Variants in RICTOR observed in about 807,000 individuals in gnomAD.
The protein encoded by RICTOR is rapamycin-insensitive companion of mTOR.
RICTOR carries 49 observed loss-of-function variants against 214.9 expected under a neutral mutation model. The observed-to-expected ratio is 0.23, with a 90% confidence interval of 0.18 to 0.29. RICTOR has a LOEUF of 0.29. Ranked by LOEUF, RICTOR falls within the 10% of genes least tolerant of loss-of-function variation. The pLI, the probability that RICTOR is intolerant of heterozygous loss-of-function variation, is 1.00. For synonymous variants in RICTOR, 717 were observed against 711.3 expected (o/e 1.01, Z -0.13); for missense variants, 1,625 against 2,047.0 (o/e 0.79, Z 3.98).
chr5:38,966,688 G>A lies in RICTOR; in HGVS notation c.1252C>T (p.His418Tyr), dbSNP rs145165444. Residue 418 changes from histidine to tyrosine, a missense_variant, in exon 15 of 38, where the codon CAT (histidine) becomes TAT (tyrosine). Around this residue, in one of 5 missense-constraint regions of RICTOR, gnomAD observed 1,214 missense variants for 1,470.5 expected, o/e 0.83. Transcript: ENST00000357387. ...LVEVITNSDDHISVRATILLG... is the reference protein window; with the variant it reads ...LVEVITNSDDYISVRATILLG... ...AGGATGGTAGCTCTAACTGAGATAT[G>A]ATCATCACTGTTTGTTATCACTTCA... is the stretch of plus-strand genomic sequence containing the variant. The A allele has an allele frequency of 4.3e-4, 684 of 1,595,602 alleles. No individual in the cohort carries two copies. Among genetic ancestry groups the A allele is most frequent in the Non-Finnish European group, 5.5e-4 (638 of 1,165,596 alleles).
At chr5:39,043,591 A>T (rs76782966) in intron 2 of RICTOR, among the ~76,000 whole-genome samples, 5,032 of 152,262 alleles carry the variant, frequency 0.033, 138 homozygotes, top group South Asian at 0.081. Flanking sequence ...ATATTTCAAA[A>T]TAACTAGGAG....
intron 2 of RICTOR, among the ~76,000 whole-genome samples, chr5:39,036,789 C>CA (rs1561557891): frequency 6.6e-6 from 1 of 152,126 alleles, no homozygotes; most frequent in Non-Finnish European, 1.5e-5. Flanking sequence ...TATATGCACC[C>CA]AATACAGGAG....
At chr5:38,991,991 G>A (rs1357290585) in intron 6 of RICTOR, among the ~76,000 whole-genome samples, 1 of 152,032 alleles carries the variant, frequency 6.6e-6, no homozygotes, top group Non-Finnish European at 1.5e-5. Context: ...AAACTTGTGA[G>A]ATGAAACAAT....
intron 10 of RICTOR, among the ~76,000 whole-genome samples, 171 bp from the exon 11 acceptor site, chr5:38,972,130 CTG>C (rs1345272353): frequency 1.3e-5 from 2 of 152,186 alleles, no homozygotes; most frequent in African/African-American, 2.4e-5. Flanking sequence ...GAAGCATACT[CTG>C]TATTTCTCTA....
chr5:38,971,033 GTTT>G (rs1750737186), intron 11 of RICTOR: 1 of 152,444 alleles, frequency 6.6e-6, no homozygotes, highest in Admixed American at 6.5e-5. Flanking sequence ...TTGAGATGGA[GTTT>G]CACTCTTGTT....
At chr5:38,996,298 A>G (rs1046170762) in intron 6 of RICTOR, among the ~76,000 whole-genome samples, 12 of 152,196 alleles carry the variant, frequency 7.9e-5, no homozygotes, top group African/African-American at 2.7e-4. Context: ...TCTCAAGAGA[A>G]GCATTATGGA....
chr5:39,021,058 T>C lies in RICTOR; in HGVS notation c.176A>G (p.His59Arg), dbSNP rs776344831. Reference protein sequence around the residue: ...QGVSNMRKLGHLNNFTKLLCD... With the variant: ...QGVSNMRKLGRLNNFTKLLCD... ...ACTTACCTTAGTAAAGTTATTCAGATGGCCTAGCTTTCTCATATTTGATAC... is the reference window on the plus strand; with the variant it reads ...ACTTACCTTAGTAAAGTTATTCAGACGGCCTAGCTTTCTCATATTTGATAC... The change falls in exon 3 of 38, where the codon CAT becomes CGT. Residue 59 changes from histidine to arginine, a missense_variant. His to Arg is a conservative substitution (Grantham distance 29). Around this residue, in one of 5 missense-constraint regions of RICTOR, gnomAD observed 258 missense variants for 393.7 expected, o/e 0.66. Coordinates refer to ENST00000357387, the MANE Select transcript of RICTOR (RefSeq NM_152756.5). The C allele has an allele frequency of 6.4e-7, 1 of 1,569,858 alleles. No homozygotes were observed.
At chr5:39,036,500 C>G (rs1303393974) in intron 2 of RICTOR, among the ~76,000 whole-genome samples, 1 of 152,136 alleles carries the variant, frequency 6.6e-6, no homozygotes, top group Non-Finnish European at 1.5e-5. Context: ...CTAAATGCTC[C>G]AATTAAAAGA....
chr5:38,947,420 A>G lies in RICTOR; in HGVS notation c.4158T>C (p.Tyr1386=), dbSNP rs112378028. The G allele has an allele frequency of 6.2e-7, 1 of 1,610,332 alleles. No individual in the cohort carries two copies. Among genetic ancestry groups the G allele is most frequent in the Non-Finnish European group, 8.5e-7 (1 of 1,176,794 alleles). ...TPSRFMKALS[Y]ASLDKEDLLS... Reference sequence around the variant, plus strand: ...ATAAATCTTCTTTATCTAATGATGCATAACTTAAGGCTTTCATGAACCTAT... The same window carrying G: ...ATAAATCTTCTTTATCTAATGATGCGTAACTTAAGGCTTTCATGAACCTAT... The change falls in exon 32 of 38, where the codon TAT becomes TAC. Residue 1386 remains tyrosine, a synonymous_variant. Transcript: ENST00000357387.
intron 2 of RICTOR, among the ~76,000 whole-genome samples, chr5:39,071,442 A>C (rs1039039173): frequency 6.6e-6 from 1 of 152,240 alleles, no homozygotes; most frequent in Non-Finnish European, 1.5e-5. Context: ...GAGTTTTAAA[A>C]CTGTGATTTC....
intron 5 of RICTOR, among the ~76,000 whole-genome samples, chr5:39,001,119 A>C (rs1213969253): frequency 1.3e-5 from 2 of 152,076 alleles, no homozygotes; most frequent in Admixed American, 6.5e-5. Context: ...CTTAGATGAA[A>C]ATGCAGAACC....
rs938060142 is a variant in RICTOR, at chr5:38,971,954, T to C, written c.895A>G (p.Ile299Val). The C allele has an allele frequency of 5.8e-6, 8 of 1,370,060 alleles. No individual in the cohort carries two copies. Among genetic ancestry groups the C allele is most frequent in the Non-Finnish European group, 8.3e-6 (8 of 966,558 alleles). The allele number at this position is 1,370,060 out of a possible 1,614,324, so 84.9% of individuals were successfully genotyped here. A position where few individuals can be genotyped will look rare whatever the true frequency, so the allele number is the denominator to read the frequency against. The change falls in exon 11 of 38, where the codon ATT (isoleucine) becomes GTT (valine). Residue 299 changes from isoleucine to valine, a missense_variant. Ile to Val is a conservative substitution (Grantham distance 29, BLOSUM62 3). This residue lies in a region of RICTOR where 258 missense variants were observed against 393.7 expected (regional missense o/e 0.66). Transcript: ENST00000357387. ...GAATTTCCAGGTTTACATAAATTAATAATACCTAAAGAGGACAGAAAGAAA... is the reference window on the plus strand; with the variant it reads ...GAATTTCCAGGTTTACATAAATTAACAATACCTAAAGAGGACAGAAAGAAA... Reference protein sequence around the residue: ...IATFRSWAGIINLCKPGNSGI... With the variant: ...IATFRSWAGIVNLCKPGNSGI...
chr5:38,995,393 T>A (rs1276442280), intron 6 of RICTOR, among the ~76,000 whole-genome samples: 1 of 152,012 alleles, frequency 6.6e-6, no homozygotes, highest in Non-Finnish European at 1.5e-5. Context: ...AATGATATAA[T>A]TAACTTGGGG....
At chr5:39,074,260 C>A in intron 1 of RICTOR, 69 bp downstream of exon 1, 4 of 1,580,530 alleles carry the variant, frequency 2.5e-6, no homozygotes, top group Non-Finnish European at 3.4e-6. Context: ...CAACCCAGGG[C>A]CAGGGGAAGG....
chr5:38,996,175 T>C (rs953280552), intron 6 of RICTOR, among the ~76,000 whole-genome samples: 1 of 152,218 alleles, frequency 6.6e-6, no homozygotes, highest in Non-Finnish European at 1.5e-5. Flanking sequence ...AGATAAAATA[T>C]GACTGACACT....
At chr5:38,952,865 T>C (rs1748911410) in intron 29 of RICTOR, 120 bp downstream of exon 29, 2 of 607,610 alleles carry the variant, frequency 3.3e-6, no homozygotes, top group Admixed American at 5.7e-5. Context: ...TCTTGTATCA[T>C]TAGAACTTTC....
intron 28 of RICTOR, 69 bp from the exon 29 acceptor site, chr5:38,953,160 A>G: frequency 1.8e-6 from 2 of 1,133,172 alleles, no homozygotes; most frequent in Non-Finnish European, 2.6e-6. Context: ...AAAGCTACCA[A>G]GAAACAAATT....
intron 7 of RICTOR, among the ~76,000 whole-genome samples, chr5:38,984,329 TTACA>T (rs1344146671): frequency 6.6e-6 from 1 of 152,236 alleles, no homozygotes; most frequent in African/African-American, 2.4e-5. Flanking sequence ...ACAATTTAGA[TTACA>T]TAATCTATCT....
intron 3 of RICTOR, among the ~76,000 whole-genome samples, chr5:39,019,914 T>C (rs1009813900): frequency 5.3e-5 from 8 of 152,172 alleles, no homozygotes; most frequent in Non-Finnish European, 1.0e-4. Context: ...TCCTGATTCA[T>C]GGGAAGAAAT....
Sources: allele counts gnomAD v4.1 joint callset (sites outside exome capture counted in the v4.1 genomes callset), GRCh38; gene constraint gnomAD v4.1.1; regional missense constraint gnomAD v4.1.1; transcripts MANE v1.5; gene names NCBI Gene and HGNC (gene_info 2026-07-23, HGNC 2026-07-21).